The following CAMTA1 variants were observed in gnomAD, a reference collection of about 807,000 sequenced individuals.
CAMTA1 encodes calmodulin-binding transcription activator 1.
Under a neutral mutation model 170.9 loss-of-function variants are expected in CAMTA1, and 27 were observed. That is an observed-to-expected ratio of 0.16 (90% CI 0.12 to 0.22). The LOEUF (loss-of-function observed/expected upper bound fraction) is 0.22, where lower values mean the gene tolerates loss of function less well. Ranked by LOEUF, CAMTA1 falls within the 10% of genes least tolerant of loss-of-function variation. The probability of loss-of-function intolerance (pLI) is 1.00; values close to 1 mark genes in which losing one functional copy is unlikely to be tolerated. For synonymous variants in CAMTA1, 833 were observed against 891.5 expected (o/e 0.93, Z 1.17); for missense variants, 1,619 against 2,217.2 (o/e 0.73, Z 5.42).
chr1:7,704,516 C>T (rs1399803019), intron 11 of CAMTA1, among the ~76,000 whole-genome samples: 3 of 147,532 alleles, frequency 2.0e-5, no homozygotes, highest in African/African-American at 4.9e-5. Context: ...AACCTCCGGC[C>T]GGGCCCCCGC....
At chr1:7,551,639 C>T (rs777954243) in intron 6 of CAMTA1, among the ~76,000 whole-genome samples, 3 of 152,184 alleles carry the variant, frequency 2.0e-5, no homozygotes, top group Admixed American at 6.5e-5. Context: ...TAATGCAACC[C>T]GACTCCCCTG....
At chr1:7,098,131 GTGCGTGCGCA>G (rs1208965533) in intron 4 of CAMTA1, among the ~76,000 whole-genome samples, 2 of 152,036 alleles carry the variant, frequency 1.3e-5, no homozygotes, top group Non-Finnish European at 2.9e-5. Context: ...GCACGTGCGC[GTGCGTGCGCA>G]TGCGTGTGTG....
intron 5 of CAMTA1, among the ~76,000 whole-genome samples, chr1:7,392,421 G>A (rs1004882027): frequency 1.3e-4 from 20 of 151,182 alleles, no homozygotes; most frequent in Non-Finnish European, 2.5e-4. Flanking sequence ...ACACCCAGCT[G>A]ATTTTGTATT....
intron 7 of CAMTA1, among the ~76,000 whole-genome samples, chr1:7,660,595 T>C (rs951977610): frequency 2.0e-5 from 3 of 152,188 alleles, no homozygotes; most frequent in African/African-American, 4.8e-5. Flanking sequence ...AGCCAGCTCC[T>C]ACCTGCCATG....
At chr1:7,085,465 C>T (rs1174674195) in intron 3 of CAMTA1, among the ~76,000 whole-genome samples, 1 of 152,238 alleles carries the variant, frequency 6.6e-6, no homozygotes, top group East Asian at 1.9e-4. Flanking sequence ...GACACACACC[C>T]TCCCTGAAGA....
intron 6 of CAMTA1, among the ~76,000 whole-genome samples, chr1:7,578,776 CAA>C (rs2095228265): frequency 6.6e-6 from 1 of 152,132 alleles, no homozygotes; most frequent in Non-Finnish European, 1.5e-5. Flanking sequence ...CACTACGTGG[CAA>C]GAGAGAGAGC....
intron 5 of CAMTA1, among the ~76,000 whole-genome samples, chr1:7,354,108 C>T (rs1180838008): frequency 1.3e-5 from 2 of 151,738 alleles, no homozygotes; most frequent in South Asian, 2.1e-4. Context: ...TTTAAGGCTG[C>T]GTAGTATTCC....
chr1:7,226,995 G>T (rs1350686214), intron 4 of CAMTA1, among the ~76,000 whole-genome samples: 2 of 152,004 alleles, frequency 1.3e-5, no homozygotes, highest in African/African-American at 4.8e-5. Flanking sequence ...ACCACGCCTG[G>T]CTAATTTTTT....
chr1:7,403,412 T>C (rs992177202), intron 5 of CAMTA1, among the ~76,000 whole-genome samples: 1 of 152,142 alleles, frequency 6.6e-6, no homozygotes, highest in African/African-American at 2.4e-5. Flanking sequence ...GGGAGGCAGA[T>C]ACAAACATAT....
rs527547627 is a variant in CAMTA1, at chr1:7,132,467, G to A, written c.302+41096G>A. Among the ~76,000 whole-genome samples, 81 of 152,276 alleles carry A rather than the reference G, an allele frequency of 5.3e-4. 1 individual carries two copies. Among genetic ancestry groups the A allele is most frequent in the African/African-American group, 1.9e-3 (77 of 41,548 alleles). ...TTTTTGTATTTTTTGTAAAGACAGG[G>A]TCTCACTATGTTTCCCAGGATGGGG... On this transcript the variant is annotated intron_variant, in intron 4 of 22. Transcript: ENST00000303635.
At chr1:7,536,256 G>A (rs2094547581) in intron 6 of CAMTA1, among the ~76,000 whole-genome samples, 1 of 152,210 alleles carries the variant, frequency 6.6e-6, no homozygotes, top group Non-Finnish European at 1.5e-5. Context: ...GGGGCAGATA[G>A]TTGGAGATTC....
intron 5 of CAMTA1, among the ~76,000 whole-genome samples, chr1:7,354,884 C>G (rs1200103661): frequency 6.6e-6 from 1 of 152,090 alleles, no homozygotes; most frequent in Non-Finnish European, 1.5e-5. Context: ...TTCTAAATCT[C>G]CATCGGATGT....
At chr1:7,749,668 C>CTT (rs60799863) in intron 19 of CAMTA1, 11,101 of 325,178 alleles carry the variant, frequency 0.034, no homozygotes, top group South Asian at 0.043. Context: ...GCCAGGTTGC[C>CTT]TTTTTTTTTT....
rs147373245 is a variant in CAMTA1 at position 6,898,622 on chromosome 1, G to A, written c.234+73412G>A. On this transcript the variant is annotated intron_variant, in intron 3 of 22. Coordinates refer to ENST00000303635, the MANE Select transcript of CAMTA1 (RefSeq NM_015215.4). Reference sequence around the variant, plus strand: ...AGGCAGATAAGTTATAGTTCATAGAGTGTGAGAGAATGGGCTCATAATGGA... The same window carrying A: ...AGGCAGATAAGTTATAGTTCATAGAATGTGAGAGAATGGGCTCATAATGGA... Among the ~76,000 whole-genome samples, 11 of 152,370 alleles carry A rather than the reference G, an allele frequency of 7.2e-5. No homozygotes were observed. In the East Asian group the frequency reaches 1.9e-3, roughly 27 times the overall value.
chr1:7,107,001 C>A (rs1643650980), intron 4 of CAMTA1, among the ~76,000 whole-genome samples: 1 of 151,862 alleles, frequency 6.6e-6, no homozygotes, highest in Admixed American at 6.6e-5. Flanking sequence ...CCAGGGACAG[C>A]TCGTGTCATC....
At chr1:7,193,949 A>G (rs1655032299) in intron 4 of CAMTA1, among the ~76,000 whole-genome samples, 1 of 152,212 alleles carries the variant, frequency 6.6e-6, no homozygotes, top group Non-Finnish European at 1.5e-5. Flanking sequence ...CAGCAACAGA[A>G]CAGTGGTAAC....
rs1436960082 is a variant in CAMTA1 at position 7,642,528 on chromosome 1, T to A, written c.664+1975T>A. Among the ~76,000 whole-genome samples, 1 of 152,154 alleles carries A rather than the reference T, an allele frequency of 6.6e-6. No individual in the cohort carries two copies. Among genetic ancestry groups the A allele is most frequent in the Non-Finnish European group, 1.5e-5 (1 of 67,996 alleles). On this transcript the variant is annotated intron_variant, in intron 7 of 22. Coordinates refer to ENST00000303635, the MANE Select transcript of CAMTA1 (RefSeq NM_015215.4). This position sits in a 1 kb window ranked among gnomAD's most constrained non-coding sequence, Gnocchi z 6.3. Reference sequence around the variant, plus strand: ...ACTCAGTACATAGGGGGCACCTCACTATGCAGGGCTGGCACCGGACACTGG... The same window carrying A: ...ACTCAGTACATAGGGGGCACCTCACAATGCAGGGCTGGCACCGGACACTGG...
intron 5 of CAMTA1, among the ~76,000 whole-genome samples, chr1:7,459,569 G>A (rs1008752723): frequency 6.6e-6 from 1 of 152,168 alleles, no homozygotes; most frequent in Non-Finnish European, 1.5e-5. Flanking sequence ...ACCCCCTTCT[G>A]TGAGCCCCAC....
chr1:7,012,922 G>T (rs924017587), intron 3 of CAMTA1, among the ~76,000 whole-genome samples: 3 of 152,154 alleles, frequency 2.0e-5, no homozygotes, highest in African/African-American at 7.2e-5. Context: ...CTTGTCTCGG[G>T]TATAGAACCT....
Sources: allele counts gnomAD v4.1 joint callset (sites outside exome capture counted in the v4.1 genomes callset), GRCh38; gene constraint gnomAD v4.1.1; non-coding constraint Gnocchi (gnomAD v3.1); transcripts MANE v1.5; gene names NCBI Gene and HGNC (gene_info 2026-07-23, HGNC 2026-07-21).